The following ELFN1 variants were observed in gnomAD, a reference collection of about 807,000 sequenced individuals.
The protein encoded by ELFN1 is protein ELFN1.
A neutral mutation model predicts 7.6 loss-of-function variants in ELFN1; 6 were observed. The observed-to-expected ratio is 0.79, with a 90% CI of 0.43 to 1.56. The LOEUF (loss-of-function observed/expected upper bound fraction) is 1.56. Among genes scored for constraint, ELFN1 ranks in the 40% most tolerant of loss-of-function variants. The pLI is 0.01. For missense variants in ELFN1, 1,169 were observed against 1,232.2 expected, an observed-to-expected ratio of 0.95 and a Z score of 0.77; for synonymous variants, 657 against 588.1, an observed-to-expected ratio of 1.12 and a Z score of -1.70.
In ELFN1 at chr7:1,673,752, TCAGCCGGTCCAGCCCCTGAAGATGGTC is replaced by T. The variant is rs551874415; in HGVS notation, c.-549+3410_-549+3436del. Among the ~76,000 whole-genome samples the T allele has an allele frequency of 3.0e-3, 451 of 152,236 alleles. 3 individuals are homozygous for T. The highest frequency in any genetic ancestry group is 5.3e-3 in the Non-Finnish European group (362 of 68,004). On this transcript the variant is annotated intron_variant, in intron 1 of 3. Coordinates refer to ENST00000424383, the MANE Select transcript of ELFN1 (RefSeq NM_001128636.4). The surrounding 1 kb of genome is among the most constrained non-coding windows in gnomAD (Gnocchi z 4.7). ...AAATGTGCCTCCTTTCCCTCGGAGA[TCAGCCGGTCCAGCCCCTGAAGATGGTC>T]CAGCCGGTCCATTTTCCAGAAGGGT...
At chr7:1,682,912 A>G (rs1044933714) in intron 1 of ELFN1, among the ~76,000 whole-genome samples, 1 of 152,122 alleles carries the variant, frequency 6.6e-6, no homozygotes, top group African/African-American at 2.4e-5. Context: ...TTTTCTGTGA[A>G]TGGGTGTTGG....
In ELFN1 at chr7:1,745,143, T is replaced by A; in HGVS notation, c.547T>A (p.Ser183Thr). ...SGTFAGLAKL[S>T]VCELYSNPFY... is the part of the protein sequence containing the mutation. ...CACCTTCGCCGGCCTGGCCAAGCTGTCGGTGTGCGAGCTCTACAGCAACCC... is the reference window on the plus strand; with the variant it reads ...CACCTTCGCCGGCCTGGCCAAGCTGACGGTGTGCGAGCTCTACAGCAACCC... Residue 183 changes from serine to threonine, a missense_variant, in exon 4 of 4, where the codon TCG (serine) becomes ACG (threonine). Ser to Thr is a moderately conservative substitution (Grantham distance 58). This residue lies in a region of ELFN1 where 255 missense variants were observed against 359.6 expected (regional missense o/e 0.71). Coordinates refer to ENST00000424383, the MANE Select transcript of ELFN1 (RefSeq NM_001128636.4). 1 of 1,550,510 alleles carries A rather than the reference T, an allele frequency of 6.4e-7. No individual in the cohort carries two copies. The highest frequency in any genetic ancestry group is 8.7e-7 in the Non-Finnish European group (1 of 1,146,984).
chr7:1,668,901 G>A (rs1407701000), upstream of ELFN1, among the ~76,000 whole-genome samples: 1 of 152,176 alleles, frequency 6.6e-6, no homozygotes, highest in East Asian at 1.9e-4. Flanking sequence ...CCCAGTATTT[G>A]CATGAAATCG....
chr7:1,730,713 A>G (rs938089219), intron 3 of ELFN1, among the ~76,000 whole-genome samples: 4 of 152,240 alleles, frequency 2.6e-5, no homozygotes, highest in African/African-American at 2.4e-5. Flanking sequence ...TTCAACAGCC[A>G]GAATCATTCT....
At chr7:1,741,294 C>T (rs905224688) in intron 3 of ELFN1, among the ~76,000 whole-genome samples, 2 of 152,222 alleles carry the variant, frequency 1.3e-5, no homozygotes, top group Non-Finnish European at 2.9e-5. Context: ...CCCTAAAGAT[C>T]TCCCTGCCCA....
intron 2 of ELFN1, among the ~76,000 whole-genome samples, chr7:1,704,577 A>G (rs1779492737): frequency 6.6e-6 from 1 of 152,146 alleles, no homozygotes; most frequent in African/African-American, 2.4e-5. Flanking sequence ...CTCCACCTAC[A>G]GCAGTACTAG....
chr7:1,684,648 T>C (rs1308494901), intron 1 of ELFN1, among the ~76,000 whole-genome samples: 1 of 152,200 alleles, frequency 6.6e-6, no homozygotes, highest in Non-Finnish European at 1.5e-5. Context: ...TTGGTTGCCT[T>C]AGGGACTACA....
chr7:1,676,343 C>G (rs965673591), intron 1 of ELFN1, among the ~76,000 whole-genome samples: 2 of 152,194 alleles, frequency 1.3e-5, no homozygotes, highest in Non-Finnish European at 2.9e-5. Flanking sequence ...CTGCATCTAT[C>G]TGTCCTGTGG....
At chr7:1,737,292 C>A (rs916973467) in intron 3 of ELFN1, among the ~76,000 whole-genome samples, 1 of 152,142 alleles carries the variant, frequency 6.6e-6, no homozygotes, top group African/African-American at 2.4e-5. Flanking sequence ...TTCAGGGGCC[C>A]CGTGGTTCCT....
rs1476897219 is a variant in ELFN1, at chr7:1,722,330, G to A, written c.-294+13078G>A. ...CACCCAGGCTGGGGTGCAGTGGCGC[G>A]ATCTCGGCTCACTGCAACCTCCGCC... On this transcript the variant is annotated intron_variant, in intron 3 of 3. Coordinates refer to ENST00000424383, the MANE Select transcript of ELFN1 (RefSeq NM_001128636.4). Among the ~76,000 whole-genome samples the A allele has an allele frequency of 2.0e-5, 3 of 149,112 alleles. No individual in the cohort carries two copies. In the South Asian group the frequency reaches 6.4e-4, roughly 32 times the overall value.
In ELFN1 at chr7:1,746,464, G is replaced by T; in HGVS notation, c.1868G>T (p.Ser623Ile). 1 of 1,521,900 alleles carries T rather than the reference G, an allele frequency of 6.6e-7. No homozygotes were observed. The highest frequency in any genetic ancestry group is 8.8e-7 in the Non-Finnish European group (1 of 1,139,778). 94.3% of individuals were successfully genotyped at this position (1,521,900 alleles called of 1,614,324 possible). A position where few individuals can be genotyped will look rare whatever the true frequency, so the allele number is the denominator to read the frequency against. Residue 623 changes from serine to isoleucine, a missense_variant, in exon 4 of 4, where the codon AGC becomes ATC. Transcript: ENST00000424383. ...GGGTACAAGGACGCCTTCGGCCACAGCCTGCAGCGGCACCACAGCGTGGAG... is the reference window on the plus strand; with the variant it reads ...GGGTACAAGGACGCCTTCGGCCACATCCTGCAGCGGCACCACAGCGTGGAG... Reference protein sequence around the residue: ...APGYKDAFGHSLQRHHSVEAA... With the variant: ...APGYKDAFGHILQRHHSVEAA...
chr7:1,746,887 C>T lies in ELFN1; in HGVS notation c.2291C>T (p.Ser764Phe). The change falls in exon 4 of 4, where the codon TCC becomes TTC. Residue 764 changes from serine to phenylalanine, a missense_variant. Physicochemically the swap from Ser to Phe is radical, Grantham distance 155. This residue lies in a region of ELFN1 where 914 missense variants were observed against 872.6 expected (regional missense o/e 1.05). Coordinates refer to ENST00000424383, the MANE Select transcript of ELFN1 (RefSeq NM_001128636.4). ...CAGTACCACAGCCTGAGCTACTCCT[C>T]CAGCCCCGAGTACACCTGCCGGGCC... Reference protein sequence around the residue: ...SPQYHSLSYSSSPEYTCRASQ... With the variant: ...SPQYHSLSYSFSPEYTCRASQ... 1.3e-6 allele frequency: 2 copies of T among 1,545,876 alleles called. No homozygotes were observed. The highest frequency in any genetic ancestry group is 1.7e-6 in the Non-Finnish European group (2 of 1,144,566).
rs575877751 is a variant in ELFN1, at chr7:1,673,746, C to T, written c.-549+3392C>T. On this transcript the variant is annotated intron_variant, in intron 1 of 3. Transcript: ENST00000424383. This position sits in a 1 kb window ranked among gnomAD's most constrained non-coding sequence, Gnocchi z 4.7. The stretch of plus-strand genomic sequence containing the variant: ...ACAAATAAATGTGCCTCCTTTCCCT[C>T]GGAGATCAGCCGGTCCAGCCCCTGA... Among the ~76,000 whole-genome samples, 5 of 152,326 alleles carry T rather than the reference C, an allele frequency of 3.3e-5. No homozygotes were observed. The highest frequency in any genetic ancestry group is 4.1e-4 in the South Asian group (2 of 4,826).
intron 2 of ELFN1, among the ~76,000 whole-genome samples, chr7:1,708,104 C>T (rs1779575381): frequency 6.6e-6 from 1 of 152,198 alleles, no homozygotes; most frequent in African/African-American, 2.4e-5. Context: ...TGCACCCCAC[C>T]AGCACCCCAC....
chr7:1,700,181 G>A (rs1355576834), intron 2 of ELFN1, among the ~76,000 whole-genome samples: 4 of 152,156 alleles, frequency 2.6e-5, no homozygotes, highest in Non-Finnish European at 5.9e-5. Context: ...CTGTGGAGGT[G>A]TAGACTGTGA....
upstream of ELFN1, among the ~76,000 whole-genome samples, chr7:1,668,883 C>T (rs1417836694): frequency 6.6e-6 from 1 of 152,162 alleles, no homozygotes. Context: ...TTTCCAGGGC[C>T]CCTGCCCCCC....
chr7:1,694,770 TAGAC>T (rs992690968), intron 2 of ELFN1, among the ~76,000 whole-genome samples: 1 of 152,194 alleles, frequency 6.6e-6, no homozygotes, highest in African/African-American at 2.4e-5. Flanking sequence ...TTGCCAAACT[TAGAC>T]TGACTCTGAG....
chr7:1,716,923 G>A (rs148229784), intron 3 of ELFN1, among the ~76,000 whole-genome samples: 61 of 152,284 alleles, frequency 4.0e-4, no homozygotes, highest in Middle Eastern at 3.4e-3. Context: ...GCCGGCATGG[G>A]GCATGGGAGC....
intron 2 of ELFN1, among the ~76,000 whole-genome samples, chr7:1,708,828 G>GCAGTT (rs1164595899): frequency 1.3e-5 from 2 of 152,184 alleles, no homozygotes; most frequent in African/African-American, 4.8e-5. Flanking sequence ...CCCTCGGTCT[G>GCAGTT]CAGTTCAGTT....
Sources: allele counts gnomAD v4.1 joint callset (sites outside exome capture counted in the v4.1 genomes callset), GRCh38; gene constraint gnomAD v4.1.1; regional missense constraint gnomAD v4.1.1; non-coding constraint Gnocchi (gnomAD v3.1); transcripts MANE v1.5; gene names NCBI Gene and HGNC (gene_info 2026-07-23, HGNC 2026-07-21).